Variants in CEP290 observed in about 807,000 individuals in gnomAD.
CEP290 encodes the protein centrosomal protein of 290 kDa.
A neutral mutation model predicts 344.9 loss-of-function variants in CEP290; 317 were observed. The observed-to-expected ratio is 0.92, with a 90% CI of 0.84 to 1.01. The LOEUF (loss-of-function observed/expected upper bound fraction) is 1.01, where lower values mean the gene tolerates loss of function less well. Among genes scored for constraint, CEP290 ranks in the 50% least tolerant of loss-of-function variants. The pLI is 0.00. For missense variants in CEP290, 2,754 were observed against 2,761.4 expected (o/e 1.00, Z 0.06); for synonymous variants, 932 against 895.8 (o/e 1.04, Z -0.72).
Position 88,084,664 on chromosome 12 carries a change from A to G in CEP290, c.4626T>C (p.Ile1542=). ...GATTTAACCTTGCTTGCATGTTTGC[A>G]ATGGTTTGATGAGCAATTTTCAATG... ...HHTLKIAHQT[I]ANMQARLNQK... Residue 1542 remains isoleucine (I), a synonymous_variant, in exon 35 of 54, where the codon ATT becomes ATC. Transcript: ENST00000552810. 1 of 1,613,670 alleles carries G rather than the reference A, an allele frequency of 6.2e-7. No individual in the cohort carries two copies. The highest frequency in any genetic ancestry group is 8.5e-7 in the Non-Finnish European group (1 of 1,179,670).
chr12:88,117,241 C>T (rs1225120024), intron 17 of CEP290, 96 bp from the exon 18 acceptor site: 5 of 618,874 alleles, frequency 8.1e-6, no homozygotes, highest in South Asian at 2.4e-5. Flanking sequence ...AGTTTTAATG[C>T]AAAGGTAGAA....
intron 44 of CEP290, among the ~76,000 whole-genome samples, chr12:88,065,462 T>C (rs2034846475): frequency 6.6e-6 from 1 of 152,178 alleles, no homozygotes; most frequent in Admixed American, 6.5e-5. Flanking sequence ...AGCCCAAGTA[T>C]ACATTCAAAT....
At chr12:88,062,621 A>G (rs1369963349) in intron 46 of CEP290, 71 bp downstream of exon 46, 2 of 969,102 alleles carry the variant, frequency 2.1e-6, no homozygotes, top group East Asian at 2.6e-5. Context: ...CTTTTACAAC[A>G]TATCTAAACT....
chr12:88,100,331 C>T (rs1015689160), intron 26 of CEP290, among the ~76,000 whole-genome samples: 11 of 151,352 alleles, frequency 7.3e-5, no homozygotes, highest in African/African-American at 2.7e-4. Context: ...ACATCTATTT[C>T]TTTTTTCTTC....
chr12:88,071,797 T>A lies in CEP290; in HGVS notation c.5839A>T (p.Lys1947Ter). ...FTLTKQLNTL[K>*]DLFAKADKEK... is the part of the protein sequence containing the mutation. Reference sequence around the variant, plus strand: ...TAAACTCACTTGGCAAAAAGATCCTTCAAAGTATTCAACTGCTTTGTTAAA... The same window carrying A: ...TAAACTCACTTGGCAAAAAGATCCTACAAAGTATTCAACTGCTTTGTTAAA... The change falls in exon 42 of 54, where the codon AAG (lysine) becomes TAG (stop). Residue 1947 changes from lysine to a stop codon, truncating the protein, a stop_gained. Coordinates refer to ENST00000552810, the MANE Select transcript of CEP290 (RefSeq NM_025114.4). LOFTEE classifies it high-confidence loss of function. 6.3e-7 allele frequency: 1 copy of A among 1,595,532 alleles called. No homozygotes were observed. Among genetic ancestry groups the A allele is most frequent in the South Asian group, 1.2e-5 (1 of 86,224 alleles).
Position 88,096,924 on chromosome 12 carries a change from T to A in CEP290, c.3067A>T (p.Thr1023Ser). 4 of 1,581,276 alleles carry A rather than the reference T, an allele frequency of 2.5e-6. No individual in the cohort carries two copies. The African/African-American group carries it at 5.4e-5, about 21-fold the overall frequency. The change falls in exon 27 of 54, where the codon ACT becomes TCT. Residue 1023 changes from threonine to serine, a missense_variant. Physicochemically the swap from Thr to Ser is moderately conservative, Grantham distance 58 (BLOSUM62 1). Transcript: ENST00000552810. ...ELEITKEKLH[T>S]IEQAWEQETK... ...TCCTGTTCCCAGGCTTGTTCAATAG[T>A]GTGAAGTTTTTCCTTGGTAATCTCC...
At chr12:88,094,072 T>C (rs1194049450) in intron 27 of CEP290, 97 bp from the exon 28 acceptor site, 6 of 934,372 alleles carry the variant, frequency 6.4e-6, no homozygotes, top group African/African-American at 3.3e-5. Context: ...TATAGTTCCA[T>C]GGAAAGCACA....
chr12:88,120,384 T>C, intron 14 of CEP290, 108 bp from the exon 15 acceptor site: 2 of 496,376 alleles, frequency 4.0e-6, no homozygotes, highest in Non-Finnish European at 6.8e-6. Flanking sequence ...TACATATGCC[T>C]ATAATTTATA....
chr12:88,080,085 AT>A, intron 38 of CEP290, 96 bp downstream of exon 38: 1 of 802,466 alleles, frequency 1.2e-6, no homozygotes, highest in Non-Finnish European at 2.0e-6. Flanking sequence ...CAACACGGAG[AT>A]TTATACTACC....
chr12:88,126,203 T>C, intron 12 of CEP290, 113 bp downstream of exon 12: 1 of 797,442 alleles, frequency 1.3e-6, no homozygotes, highest in African/African-American at 1.8e-5. Context: ...ATTATACACT[T>C]GGTAGTACCA....
chr12:88,067,451 AC>A (rs2035026466), intron 44 of CEP290, among the ~76,000 whole-genome samples: 1 of 152,164 alleles, frequency 6.6e-6, no homozygotes, highest in African/African-American at 2.4e-5. Flanking sequence ...TCTTGGCTGG[AC>A]TGACGCATCA....
intron 6 of CEP290, among the ~76,000 whole-genome samples, chr12:88,132,023 C>G (rs2040103970): frequency 6.6e-6 from 1 of 152,188 alleles, no homozygotes; most frequent in Non-Finnish European, 1.5e-5. Context: ...TACTTAACAT[C>G]TCTTTAACTC....
intron 18 of CEP290, chr12:88,115,632 G>C: frequency 8.9e-7 from 1 of 1,129,408 alleles, no homozygotes; most frequent in Non-Finnish European, 1.2e-6. Context: ...CTGCATTTTA[G>C]ATTTTAAAAA....
chr12:88,086,377 T>C lies in CEP290; in HGVS notation c.4302+14A>G. On this transcript the variant is annotated intron_variant, in intron 33 of 53. Transcript: ENST00000552810. ...CTATGCTACAGAGTAACAAACAAGA[T>C]TAATCATTCATACCTTTTGTGCCGC... The C allele has an allele frequency of 6.4e-7, 1 of 1,563,080 alleles. No homozygotes were observed. Among genetic ancestry groups the C allele is most frequent in the Non-Finnish European group, 8.7e-7 (1 of 1,150,438 alleles).
chr12:88,087,719 CAAAAAAAAAA>C (rs375540609), intron 32 of CEP290, 51 bp downstream of exon 32: 5 of 124,712 alleles, frequency 4.0e-5, no homozygotes, highest in Non-Finnish European at 5.6e-5. Context: ...GACTCCATCT[CAAAAAAAAAA>C]AAAAAAAAAA....
intron 25 of CEP290, 187 bp from the exon 26 acceptor site, chr12:88,103,198 GA>G (rs2038030104): frequency 5.4e-6 from 2 of 371,064 alleles, no homozygotes; most frequent in Admixed American, 4.6e-5. Context: ...ATGTTACTTT[GA>G]AAATCTTAAT....
In CEP290 at chr12:88,118,742, G is replaced by A. The variant is rs2039227328; in HGVS notation, c.1524C>T (p.Gly508=). 4 of 1,597,894 alleles carry A rather than the reference G, an allele frequency of 2.5e-6. No individual in the cohort carries two copies. The highest frequency in any genetic ancestry group is 3.4e-6 in the Non-Finnish European group (4 of 1,171,582). Residue 508 remains glycine (G), a splice_region_variant and synonymous_variant, in exon 16 of 54, where the codon GGC becomes GGT. Transcript: ENST00000552810. The part of the protein sequence containing the change: ...DENEALRERV[G]LEPKTMIDLT... ...AATCAATCATTGTCTTTGGTTCAAGGCCTACAATAGAAAGCAATATAATTA... is the reference window on the plus strand; with the variant it reads ...AATCAATCATTGTCTTTGGTTCAAGACCTACAATAGAAAGCAATATAATTA...
At chr12:88,095,357 T>A (rs574042303) in intron 27 of CEP290, among the ~76,000 whole-genome samples, 2 of 152,090 alleles carry the variant, frequency 1.3e-5, no homozygotes, top group Admixed American at 1.3e-4. Flanking sequence ...AACAAAGATA[T>A]AAGGGCAACA....
At position 88,071,940 on chromosome 12, in the gene CEP290, G is replaced by A. The variant is rs766723760; in HGVS notation, c.5710-14C>T. ...TTCTTTAGCATTCTGTAACAATAAC[G>A]AAGGAGGTAGGAAAATTACCAGTGT... On this transcript the variant is annotated splice_polypyrimidine_tract_variant and intron_variant, in intron 41 of 53. Coordinates refer to ENST00000552810, the MANE Select transcript of CEP290 (RefSeq NM_025114.4). 8 of 1,558,618 alleles carry A rather than the reference G, an allele frequency of 5.1e-6. No individual in the cohort carries two copies. In the Admixed American group the frequency reaches 6.2e-5, roughly 12 times the overall value.
Sources: gnomAD v4.1 joint callset for allele counts (sites outside exome capture counted in the v4.1 genomes callset) on GRCh38, gnomAD v4.1.1 for gene constraint, MANE v1.5 for transcripts, NCBI Gene and HGNC (gene_info 2026-07-23, HGNC 2026-07-21) for gene names.